The following FHIT variants were observed in gnomAD, a reference collection of about 807,000 sequenced individuals.
FHIT encodes the protein fragile histidine triad diadenosine triphosphatase, also known as bis(5'-adenosyl)-triphosphatase.
In FHIT, 19 loss-of-function variants were observed where a neutral mutation model predicts 17.9. The observed-to-expected ratio is 1.06, with a 90% CI of 0.74 to 1.56. FHIT has a LOEUF of 1.56. Among genes scored for constraint, FHIT ranks in the 40% most tolerant of loss-of-function variants. The pLI, the probability that FHIT is intolerant of heterozygous loss-of-function variation, is 0.00. For missense variants in FHIT, 248 were observed against 189.2 expected, an observed-to-expected ratio of 1.31 and a Z score of -1.82; for synonymous variants, 81 against 69.7, an observed-to-expected ratio of 1.16 and a Z score of -0.81.
At chr3:60,947,692 C>T (rs2107445413) in intron 3 of FHIT, among the ~76,000 whole-genome samples, 1 of 152,306 alleles carries the variant, frequency 6.6e-6, no homozygotes, top group African/African-American at 2.4e-5. Context: ...GTGATCATGT[C>T]TTCAGAAGTT....
intron 4 of FHIT, among the ~76,000 whole-genome samples, chr3:60,796,629 C>T (rs1553730457): frequency 6.6e-6 from 1 of 152,152 alleles, no homozygotes; most frequent in African/African-American, 2.4e-5. Flanking sequence ...GTCCCCCAGG[C>T]TGGAGTGCAG....
intron 7 of FHIT, among the ~76,000 whole-genome samples, chr3:59,980,874 G>A (rs990244497): frequency 6.6e-6 from 1 of 152,122 alleles, no homozygotes; most frequent in African/African-American, 2.4e-5. Context: ...CATCCCAAAT[G>A]AACTAAACTA....
chr3:60,881,398 A>T (rs1704969643), intron 3 of FHIT, among the ~76,000 whole-genome samples: 1 of 152,196 alleles, frequency 6.6e-6, no homozygotes, highest in Non-Finnish European at 1.5e-5. Context: ...ATCAACAACG[A>T]AACATTGAGT....
At chr3:60,619,956 T>G (rs1202255971) in intron 4 of FHIT, among the ~76,000 whole-genome samples, 1 of 151,962 alleles carries the variant, frequency 6.6e-6, no homozygotes, top group African/African-American at 2.4e-5. Context: ...TTTTTTAAAG[T>G]CTTAAAACTC....
chr3:60,673,301 GT>G (rs2040551206), intron 4 of FHIT, among the ~76,000 whole-genome samples: 1 of 152,024 alleles, frequency 6.6e-6, no homozygotes, highest in Non-Finnish European at 1.5e-5. Flanking sequence ...CTTAGGTTTT[GT>G]TTATCTAAAA....
At position 60,459,620 on chromosome 3, in the gene FHIT, A is replaced by G. The variant is rs562989131; in HGVS notation, c.103+77240T>C. ...TTTAACCAGATTCTAGATCTTCTAA[A>G]CAATAAAGCTGATTATAAAGACATT... On this transcript the variant is annotated intron_variant, in intron 5 of 9. Coordinates refer to ENST00000492590, the MANE Select transcript of FHIT (RefSeq NM_002012.4). Among the ~76,000 whole-genome samples the G allele has an allele frequency of 7.4e-4, 112 of 152,368 alleles. 1 individual carries two copies. Among genetic ancestry groups the G allele is most frequent in the African/African-American group, 2.4e-3 (99 of 41,594 alleles).
rs185670689 is a variant in FHIT, at chr3:59,974,633, T to C, written c.279+36738A>G. On this transcript the variant is annotated intron_variant, in intron 7 of 9. Transcript: ENST00000492590. ...ATGAGTCTATGTAAAGGCAACCATGTTTGCGGGCAGAGAATATCAACTTTA... is the reference window on the plus strand; with the variant it reads ...ATGAGTCTATGTAAAGGCAACCATGCTTGCGGGCAGAGAATATCAACTTTA... Among the ~76,000 whole-genome samples, 31 of 152,264 alleles carry C rather than the reference T, an allele frequency of 2.0e-4. 2 individuals are homozygous for C. Among genetic ancestry groups the C allele is most frequent in the African/African-American group, 7.5e-4 (31 of 41,566 alleles).
intron 2 of FHIT, among the ~76,000 whole-genome samples, chr3:61,070,318 G>A (rs776907457): frequency 2.0e-5 from 3 of 152,206 alleles, no homozygotes; most frequent in African/African-American, 7.2e-5. Context: ...CAGAGCAAGA[G>A]GTAATTGGAT....
intron 8 of FHIT, among the ~76,000 whole-genome samples, chr3:59,827,198 C>T (rs1291818354): frequency 3.3e-5 from 5 of 152,220 alleles, no homozygotes; most frequent in African/African-American, 1.2e-4. Flanking sequence ...TCCTTCCTCA[C>T]ATTTTAGCAA....
At chr3:60,190,617 G>C (rs1407910379) in intron 5 of FHIT, among the ~76,000 whole-genome samples, 1 of 151,876 alleles carries the variant, frequency 6.6e-6, no homozygotes, top group Non-Finnish European at 1.5e-5. Context: ...GACTGTTGTG[G>C]GGTGGGGGAG....
rs71092612 is a variant in FHIT, at chr3:60,543,907, C to CTTTTTTTTTTTTTTTTTTTTT, written c.-17-6949_-17-6929dup. Among the ~76,000 whole-genome samples, 185 of 52,060 alleles carry CTTTTTTTTTTTTTTTTTTTTT rather than the reference C, an allele frequency of 3.6e-3. 17 individuals are homozygous for CTTTTTTTTTTTTTTTTTTTTT. The highest frequency in any genetic ancestry group is 5.5e-3 in the East Asian group (5 of 904). 34.2% of individuals were successfully genotyped at this position (52,060 alleles called of 152,430 possible). A position where few individuals can be genotyped will look rare whatever the true frequency, so the allele number is the denominator to read the frequency against. On this transcript the variant is annotated intron_variant, in intron 4 of 9. Coordinates refer to ENST00000492590, the MANE Select transcript of FHIT (RefSeq NM_002012.4). ...CTACAAGCGCCCGCACCACGCCCGG[C>CTTTTTTTTTTTTTTTTTTTTT]TTTTTTTTTTTTTTTTTTTTTTTTG...
At chr3:61,204,776 A>C (rs941858324) in intron 1 of FHIT, among the ~76,000 whole-genome samples, 10 of 152,244 alleles carry the variant, frequency 6.6e-5, no homozygotes, top group Non-Finnish European at 1.3e-4. Flanking sequence ...GTTAGGCATG[A>C]CGAAAGTTAG....
chr3:59,893,952 G>C (rs1025693410), intron 8 of FHIT, among the ~76,000 whole-genome samples: 1 of 133,592 alleles, frequency 7.5e-6, no homozygotes, highest in African/African-American at 3.2e-5. Context: ...GAAATTAGCA[G>C]TTTGGCATAG....
intron 4 of FHIT, among the ~76,000 whole-genome samples, chr3:60,748,120 A>G (rs945857439): frequency 5.3e-5 from 8 of 152,196 alleles, no homozygotes; most frequent in Non-Finnish European, 8.8e-5. Flanking sequence ...TTTGGAGTAG[A>G]GAAAATGTGA....
intron 5 of FHIT, among the ~76,000 whole-genome samples, chr3:60,450,102 T>C (rs1204688865): frequency 6.6e-6 from 1 of 151,954 alleles, no homozygotes; most frequent in African/African-American, 2.4e-5. Context: ...CTAGAAATTG[T>C]TCTGGGTGAG....
intron 5 of FHIT, among the ~76,000 whole-genome samples, chr3:60,291,123 G>A (rs1030379081): frequency 6.6e-6 from 1 of 152,142 alleles, no homozygotes; most frequent in Non-Finnish European, 1.5e-5. Flanking sequence ...CAAGGAGTGA[G>A]GTTAAATGGG....
At chr3:60,682,520 G>C (rs1553697181) in intron 4 of FHIT, among the ~76,000 whole-genome samples, 1 of 152,170 alleles carries the variant, frequency 6.6e-6, no homozygotes, top group African/African-American at 2.4e-5. Flanking sequence ...AAAGAAACAG[G>C]AAAGCCTAGA....
chr3:59,877,735 G>T (rs577506014), intron 8 of FHIT, among the ~76,000 whole-genome samples: 1 of 152,330 alleles, frequency 6.6e-6, no homozygotes, highest in South Asian at 2.1e-4. Flanking sequence ...CCAAGAAAAT[G>T]AGATTCCTAT....
intron 5 of FHIT, among the ~76,000 whole-genome samples, chr3:60,464,481 T>C (rs2032670610): frequency 6.6e-6 from 1 of 152,202 alleles, no homozygotes; most frequent in Admixed American, 6.5e-5. Flanking sequence ...ACAACATCTG[T>C]GTATGCATTA....
Sources: gnomAD v4.1 joint callset for allele counts (sites outside exome capture counted in the v4.1 genomes callset) on GRCh38, gnomAD v4.1.1 for gene constraint, MANE v1.5 for transcripts, NCBI Gene and HGNC (gene_info 2026-07-23, HGNC 2026-07-21) for gene names.